Variants in ZSWIM6 observed in about 807,000 individuals in gnomAD.
ZSWIM6 encodes zinc finger SWIM-type containing 6, also known as zinc finger SWIM domain-containing protein 6.
ZSWIM6 carries 9 observed loss-of-function variants against 113.2 expected under a neutral mutation model. The ratio of observed to expected loss-of-function variants is 0.08; its 90% CI spans 0.05 to 0.14. The LOEUF (loss-of-function observed/expected upper bound fraction) is 0.14. ZSWIM6 is among the 10% of genes least tolerant of loss of function. The pLI, the probability that ZSWIM6 is intolerant of heterozygous loss-of-function variation, is 1.00. For missense variants in ZSWIM6, 1,162 were observed against 1,552.2 expected, an observed-to-expected ratio of 0.75 and a Z score of 4.22; for synonymous variants, 611 against 606.5, an observed-to-expected ratio of 1.01 and a Z score of -0.11.
At chr5:61,486,242 A>G (rs919090647) in intron 2 of ZSWIM6, among the ~76,000 whole-genome samples, 2 of 152,170 alleles carry the variant, frequency 1.3e-5, no homozygotes, top group Admixed American at 6.6e-5. Context: ...TTCACTTAAT[A>G]TAATGATGTC....
chr5:61,523,521 C>A (rs751917278), intron 5 of ZSWIM6, among the ~76,000 whole-genome samples: 5 of 152,078 alleles, frequency 3.3e-5, no homozygotes, highest in Non-Finnish European at 5.9e-5. Flanking sequence ...TTTCCTTAAT[C>A]AGCATGTATT....
chr5:61,517,472 AT>A (rs898637517), intron 4 of ZSWIM6, among the ~76,000 whole-genome samples: 2 of 151,878 alleles, frequency 1.3e-5, no homozygotes, highest in East Asian at 1.9e-4. Flanking sequence ...TGTTTAGTTC[AT>A]TTTTTTATAG....
At chr5:61,493,062 G>T (rs1748222706) in intron 3 of ZSWIM6, among the ~76,000 whole-genome samples, 1 of 152,100 alleles carries the variant, frequency 6.6e-6, no homozygotes, top group Non-Finnish European at 1.5e-5. Context: ...GCTTACCCTT[G>T]TGTTTCCTTT....
intron 1 of ZSWIM6, among the ~76,000 whole-genome samples, chr5:61,392,400 T>G (rs1579971970): frequency 6.6e-6 from 1 of 152,244 alleles, no homozygotes; most frequent in East Asian, 1.9e-4. Context: ...TATGAAAATC[T>G]ATCTTTCTGT....
chr5:61,391,417 CT>C, intron 1 of ZSWIM6: 1 of 982,894 alleles, frequency 1.0e-6, no homozygotes, highest in Non-Finnish European at 1.7e-6. Context: ...CTTCTTCATG[CT>C]GCTGAAGTCC....
At chr5:61,356,673 TATAAC>T (rs1337527398) in intron 1 of ZSWIM6, among the ~76,000 whole-genome samples, 1 of 142,588 alleles carries the variant, frequency 7.0e-6, no homozygotes, top group Admixed American at 7.3e-5. Context: ...ATATAATATA[TATAAC>T]ATAATATATA....
rs1036335526 is a variant in ZSWIM6 at position 61,544,952 on chromosome 5, T to C, written c.*635T>C. The C allele has an allele frequency of 6.6e-6, 1 of 152,124 alleles. No homozygotes were observed. Among genetic ancestry groups the C allele is most frequent in the African/African-American group, 2.4e-5 (1 of 41,416 alleles). 9.4% of individuals were successfully genotyped at this position (152,124 alleles called of 1,614,324 possible). A position where few individuals can be genotyped will look rare whatever the true frequency, so the allele number is the denominator to read the frequency against. The stretch of plus-strand genomic sequence containing the variant: ...AAAAATTAAAAAAAGAATGAGAGCA[T>C]TTATTGTACTGTATATATATTATAG... On this transcript the variant is annotated 3_prime_UTR_variant, in exon 14 of 14. Transcript: ENST00000252744.
chr5:61,448,080 G>A (rs1290254264), intron 1 of ZSWIM6, among the ~76,000 whole-genome samples: 1 of 152,148 alleles, frequency 6.6e-6, no homozygotes, highest in Non-Finnish European at 1.5e-5. Flanking sequence ...GGTTTCTTGA[G>A]AAAGGAACTC....
chr5:61,464,000 C>G (rs1479445972), intron 1 of ZSWIM6, among the ~76,000 whole-genome samples: 1 of 151,498 alleles, frequency 6.6e-6, no homozygotes, highest in African/African-American at 2.4e-5. Flanking sequence ...CTTTTCTTTT[C>G]TTTTCTTTTT....
At chr5:61,428,302 T>G (rs1044363973) in intron 1 of ZSWIM6, among the ~76,000 whole-genome samples, 1 of 152,222 alleles carries the variant, frequency 6.6e-6, no homozygotes, top group African/African-American at 2.4e-5. Flanking sequence ...TTTGGTTCTC[T>G]TAACTGAAGT....
At chr5:61,422,865 G>A (rs1181285299) in intron 1 of ZSWIM6, among the ~76,000 whole-genome samples, 1 of 151,846 alleles carries the variant, frequency 6.6e-6, no homozygotes, top group African/African-American at 2.4e-5. Flanking sequence ...GTTTGCTGTT[G>A]GCATATAAAA....
intron 1 of ZSWIM6, among the ~76,000 whole-genome samples, chr5:61,413,118 C>T (rs1746178331): frequency 1.3e-5 from 2 of 150,682 alleles, no homozygotes; most frequent in African/African-American, 4.9e-5. Flanking sequence ...GTGTGCTGCA[C>T]CCATTAACTT....
intron 4 of ZSWIM6, among the ~76,000 whole-genome samples, chr5:61,511,943 T>C (rs1468958050): frequency 6.6e-6 from 1 of 152,140 alleles, no homozygotes; most frequent in East Asian, 1.9e-4. Context: ...ATATGATTAT[T>C]TAATTTTTAA....
rs2112298919 is a variant in ZSWIM6 at position 61,544,444 on chromosome 5, A to G, written c.*127A>G. The G allele has an allele frequency of 1.9e-6, 1 of 518,610 alleles. No individual in the cohort carries two copies. The highest frequency in any genetic ancestry group is 3.3e-6 in the Non-Finnish European group (1 of 305,846). 32.1% of individuals were successfully genotyped at this position (518,610 alleles called of 1,614,324 possible). ...ACCGGTATTATATGTGTATAGTTAT[A>G]TTGCGTTTGCAGACTAAATTGTCAT... On this transcript the variant is annotated 3_prime_UTR_variant, in exon 14 of 14. Coordinates refer to ENST00000252744, the MANE Select transcript of ZSWIM6 (RefSeq NM_020928.2).
At chr5:61,384,412 A>G (rs976577639) in intron 1 of ZSWIM6, among the ~76,000 whole-genome samples, 1 of 152,218 alleles carries the variant, frequency 6.6e-6, no homozygotes, top group Admixed American at 6.5e-5. Flanking sequence ...TAGAACATGC[A>G]TGGTGGTGAA....
chr5:61,339,696 G>T (rs915646391), intron 1 of ZSWIM6, among the ~76,000 whole-genome samples: 3 of 152,062 alleles, frequency 2.0e-5, no homozygotes, highest in African/African-American at 4.8e-5. Context: ...AACAAAGCGG[G>T]TTATAGGCAG....
rs1358594766 is a variant in ZSWIM6 at position 61,350,295 on chromosome 5, G to A, written c.676+17347G>A. On this transcript the variant is annotated intron_variant, in intron 1 of 13. Coordinates refer to ENST00000252744, the MANE Select transcript of ZSWIM6 (RefSeq NM_020928.2). ...CCCTAGGCATACATCTTGTTTCTCA[G>A]AAGGAAGAGGGCAAGATATAAATCA... is the stretch of plus-strand genomic sequence containing the variant. 5.9e-5 allele frequency among the ~76,000 whole-genome samples: 9 copies of A among 152,176 alleles called. No individual in the cohort carries two copies. The East Asian group carries it at 1.7e-3, about 29-fold the overall frequency.
chr5:61,540,314 G>A (rs986468612), intron 12 of ZSWIM6, among the ~76,000 whole-genome samples: 2 of 152,150 alleles, frequency 1.3e-5, no homozygotes, highest in African/African-American at 4.8e-5. Flanking sequence ...ATAGATGTTT[G>A]CTTCCTTATA....
chr5:61,365,127 G>A lies in ZSWIM6; in HGVS notation c.676+32179G>A, dbSNP rs186480086. On this transcript the variant is annotated intron_variant, in intron 1 of 13. Coordinates refer to ENST00000252744, the MANE Select transcript of ZSWIM6 (RefSeq NM_020928.2). ...TTTGGGAGGGGAGATCGAGGCTGGC[G>A]GATCACCTGAGGTCAGGAGTTCGAG... 5.0e-3 allele frequency among the ~76,000 whole-genome samples: 756 copies of A among 152,098 alleles called. 1 individual carries two copies. The highest frequency in any genetic ancestry group is 8.4e-3 in the Non-Finnish European group (570 of 67,998).
Sources: allele counts gnomAD v4.1 joint callset (sites outside exome capture counted in the v4.1 genomes callset), GRCh38; gene constraint gnomAD v4.1.1; transcripts MANE v1.5; gene names NCBI Gene and HGNC (gene_info 2026-07-23, HGNC 2026-07-21).